The following CFAP47 variants were observed in gnomAD, a reference collection of about 807,000 sequenced individuals.
CFAP47 encodes cilia- and flagella-associated protein 47.
A neutral mutation model predicts 148.1 loss-of-function variants in CFAP47; 29 were observed. The ratio of observed to expected loss-of-function variants is 0.20; its 90% CI spans 0.15 to 0.27. CFAP47 has a LOEUF of 0.27. Ranked by LOEUF, CFAP47 falls within the 10% of genes least tolerant of loss-of-function variation. The pLI, the probability that CFAP47 is intolerant of heterozygous loss-of-function variation, is 1.00. For synonymous variants in CFAP47, 664 were observed against 577.3 expected, an observed-to-expected ratio of 1.15 and a Z score of -2.15; for missense variants, 1,872 against 1,697.5, an observed-to-expected ratio of 1.10 and a Z score of -1.81.
chrX:36,330,352 T>C (rs1370867735), intron 57 of CFAP47, among the ~76,000 whole-genome samples: 1 of 111,845 alleles, frequency 8.9e-6, no homozygotes, highest in Non-Finnish European at 1.9e-5. Flanking sequence ...TTGCATCAGA[T>C]TAAGGACTGC....
chrX:36,178,488 G>C (rs1240228019), intron 39 of CFAP47, among the ~76,000 whole-genome samples: 2 of 111,617 alleles, frequency 1.8e-5, no homozygotes, highest in African/African-American at 6.5e-5. Context: ...GTGTGTGTGT[G>C]TATCAAGACA....
chrX:36,122,498 C>G (rs1355554809), intron 33 of CFAP47, among the ~76,000 whole-genome samples: 1 of 109,940 alleles, frequency 9.1e-6, no homozygotes, highest in Non-Finnish European at 1.9e-5. Flanking sequence ...TTTCATTTTT[C>G]TTTTGTCTCT....
intron 62 of CFAP47, among the ~76,000 whole-genome samples, chrX:36,372,219 A>G (rs782786899): frequency 2.8e-4 from 31 of 110,298 alleles, no homozygotes; most frequent in African/African-American, 9.5e-4. Context: ...ATGATGGCAT[A>G]TAAAGAAAAC....
At chrX:36,286,218 G>C (rs2146947808) in intron 51 of CFAP47, among the ~76,000 whole-genome samples, 1 of 111,177 alleles carries the variant, frequency 9.0e-6, no homozygotes, top group East Asian at 2.8e-4. Flanking sequence ...ATTTAATAAA[G>C]TTAAATATTA....
intron 45 of CFAP47, among the ~76,000 whole-genome samples, chrX:36,214,168 A>G (rs1345265000): frequency 8.9e-6 from 1 of 112,267 alleles, no homozygotes; most frequent in Non-Finnish European, 1.9e-5. Flanking sequence ...ACACCAAGTT[A>G]CTGTACCAAA....
At chrX:36,133,795 G>GT (rs1220342426) in intron 33 of CFAP47, among the ~76,000 whole-genome samples, 1 of 93,975 alleles carries the variant, frequency 1.1e-5, no homozygotes, top group African/African-American at 4.7e-5. Context: ...ACTCATTGCA[G>GT]TTTAAAAAAA....
intron 32 of CFAP47, among the ~76,000 whole-genome samples, chrX:36,100,573 A>G (rs73470971): frequency 0.026 from 2,925 of 111,682 alleles, 97 homozygotes; most frequent in African/African-American, 0.09. Flanking sequence ...AGCACTATAG[A>G]TCTTGTCCAC....
intron 33 of CFAP47, among the ~76,000 whole-genome samples, chrX:36,115,289 A>G (rs1202553682): frequency 8.9e-6 from 1 of 112,173 alleles, no homozygotes; most frequent in Non-Finnish European, 1.9e-5. Context: ...GCAAAAATAA[A>G]AAATCATAAT....
chrX:36,375,076 G>T (rs782435167), intron 62 of CFAP47: 27 of 408,319 alleles, frequency 6.6e-5, no homozygotes, highest in Non-Finnish European at 1.2e-4. Context: ...ACACTGAGAA[G>T]CTGGATGATG....
intron 3 of CFAP47, among the ~76,000 whole-genome samples, chrX:35,944,529 A>G (rs1380265661): frequency 1.8e-5 from 2 of 111,584 alleles, no homozygotes; most frequent in Non-Finnish European, 3.8e-5. Flanking sequence ...GGAGCCTCAT[A>G]CATATTTAGT....
chrX:36,010,464 T>C (rs926094636), intron 21 of CFAP47, among the ~76,000 whole-genome samples: 35 of 99,013 alleles, frequency 3.5e-4, no homozygotes, highest in Admixed American at 3.0e-3. Context: ...GTTTTGTCGT[T>C]TTTTTTTTTT....
At chrX:36,335,484 A>G (rs781977168) in intron 57 of CFAP47, among the ~76,000 whole-genome samples, 168 of 111,578 alleles carry the variant, frequency 1.5e-3, no homozygotes, top group Non-Finnish European at 2.6e-3. Flanking sequence ...GGCAAAAATC[A>G]CCTTATAAAT....
rs1185870474 is a variant in CFAP47, at chrX:36,190,182, T to G, written c.6307T>G (p.Leu2103Val). Reference protein sequence around the residue: ...NMHVRYCVIILSNKKIGQLIY... With the variant: ...NMHVRYCVIIVSNKKIGQLIY... ...GCACGTGCGCTACTGTGTCATCATC[T>G]TGAGCAACAAAAAGGTGAGAACAGA... The change falls in exon 42 of 64, where the codon TTG (leucine) becomes GTG (valine). Residue 2103 changes from leucine (L) to valine (V), a missense_variant. By Grantham distance (32) the Leu-to-Val change is conservative. Coordinates refer to ENST00000378653, the MANE Select transcript of CFAP47 (RefSeq NM_001304548.2). The G allele has an allele frequency of 4.0e-5, 12 of 296,514 alleles. No individual in the cohort carries two copies. The highest frequency in any genetic ancestry group is 7.1e-5 in the Non-Finnish European group (12 of 169,911). The allele number at this position is 296,514 out of a possible 1,213,427, so 24.4% of individuals were successfully genotyped here. A position where few individuals can be genotyped will look rare whatever the true frequency, so the allele number is the denominator to read the frequency against.
intron 49 of CFAP47, among the ~76,000 whole-genome samples, chrX:36,271,099 C>T (rs781857531): frequency 6.3e-5 from 7 of 110,885 alleles, no homozygotes; most frequent in Non-Finnish European, 1.1e-4. Context: ...AAGAAAGGGA[C>T]AGAAGGAAGA....
At chrX:36,093,415 A>T (rs1346329282) in intron 30 of CFAP47, among the ~76,000 whole-genome samples, 1 of 111,159 alleles carries the variant, frequency 9.0e-6, no homozygotes. Flanking sequence ...TCTCAGCAGC[A>T]TTTGTTACTG....
chrX:36,018,986 G>A (rs919465593), intron 22 of CFAP47, among the ~76,000 whole-genome samples: 39 of 111,463 alleles, frequency 3.5e-4, no homozygotes, highest in African/African-American at 1.1e-3. Context: ...TCCTTACTAG[G>A]AGACTTTTTA....
chrX:36,060,608 TGAA>T (rs1321853422), intron 26 of CFAP47, among the ~76,000 whole-genome samples: 2 of 112,066 alleles, frequency 1.8e-5, no homozygotes, highest in East Asian at 5.6e-4. Context: ...TCATGTGATC[TGAA>T]GAAGAATTCT....
intron 16 of CFAP47, chrX:35,990,167 G>T (rs1015155518): frequency 9.0e-6 from 1 of 111,522 alleles, no homozygotes; most frequent in African/African-American, 3.3e-5. Context: ...GGCCTGATTG[G>T]TCTGTTTACT....
intron 18 of CFAP47, among the ~76,000 whole-genome samples, chrX:35,995,643 G>A (rs950233297): frequency 2.7e-5 from 3 of 111,206 alleles, no homozygotes; most frequent in African/African-American, 9.8e-5. Context: ...AGAGGAAAAC[G>A]TTTGCTTGAA....
Sources: allele counts gnomAD v4.1 joint callset (sites outside exome capture counted in the v4.1 genomes callset), GRCh38; gene constraint gnomAD v4.1.1; transcripts MANE v1.5; gene names NCBI Gene and HGNC (gene_info 2026-07-23, HGNC 2026-07-21).